COL24A1: variants seen among roughly 807,000 people sequenced by gnomAD.
The protein encoded by COL24A1 is collagen type XXIV alpha 1 chain.
Under a neutral mutation model 253.9 loss-of-function variants are expected in COL24A1, and 224 were observed. The ratio of observed to expected loss-of-function variants is 0.88; its 90% confidence interval spans 0.79 to 0.99. COL24A1 has a LOEUF of 0.99. Ranked by LOEUF, COL24A1 falls within the 50% of genes least tolerant of loss-of-function variation. The pLI, the probability that COL24A1 is intolerant of heterozygous loss-of-function variation, is 0.00. For synonymous variants in COL24A1, 685 were observed against 673.7 expected, an observed-to-expected ratio of 1.02 and a Z score of -0.26; for missense variants, 2,131 against 2,068.5, an observed-to-expected ratio of 1.03 and a Z score of -0.59.
At chr1:85,869,253 C>T (rs1002402227) in intron 35 of COL24A1, among the ~76,000 whole-genome samples, 2 of 152,124 alleles carry the variant, frequency 1.3e-5, no homozygotes, top group African/African-American at 4.8e-5. Flanking sequence ...TATGACCACT[C>T]TACCAGATTT....
At chr1:85,756,652 T>C (rs1053022910) in intron 55 of COL24A1, among the ~76,000 whole-genome samples, 2 of 152,154 alleles carry the variant, frequency 1.3e-5, no homozygotes, top group African/African-American at 2.4e-5. Flanking sequence ...GAAAACAGTA[T>C]GGCAGTTTCT....
chr1:86,023,079 AT>A (rs1354833350), intron 14 of COL24A1, 72 bp from the exon 15 acceptor site: 1 of 1,456,994 alleles, frequency 6.9e-7, no homozygotes, highest in African/African-American at 1.4e-5. Flanking sequence ...GGCAGAATTA[AT>A]AAATTAATGA....
At chr1:85,745,167 T>TTG (rs1665074051) in intron 56 of COL24A1, among the ~76,000 whole-genome samples, 2 of 152,070 alleles carry the variant, frequency 1.3e-5, no homozygotes, top group South Asian at 4.1e-4. Context: ...ATGGCTAACC[T>TTG]CATTTAACTA....
intron 2 of COL24A1, among the ~76,000 whole-genome samples, chr1:86,127,264 G>A (rs533719745): frequency 1.9e-4 from 29 of 151,848 alleles, no homozygotes; most frequent in Middle Eastern, 3.4e-3. Context: ...TATGTAATAC[G>A]CATTTTATAT....
intron 3 of COL24A1, among the ~76,000 whole-genome samples, chr1:86,122,139 A>G (rs929411655): frequency 3.3e-5 from 5 of 152,032 alleles, no homozygotes; most frequent in Non-Finnish European, 4.4e-5. Context: ...AAAGTTCAAC[A>G]ATGACTTCTT....
intron 43 of COL24A1, among the ~76,000 whole-genome samples, chr1:85,824,614 A>G (rs890164997): frequency 2.6e-5 from 4 of 152,168 alleles, no homozygotes; most frequent in African/African-American, 9.7e-5. Flanking sequence ...TGACTCTGAC[A>G]TTCGGCAATC....
At chr1:86,117,218 C>T (rs186016111) in intron 3 of COL24A1, among the ~76,000 whole-genome samples, 3 of 152,276 alleles carry the variant, frequency 2.0e-5, no homozygotes, top group Non-Finnish European at 4.4e-5. Context: ...TCCCAAAATT[C>T]GTATGTTGAA....
chr1:85,921,396 T>A (rs948478776), intron 24 of COL24A1, among the ~76,000 whole-genome samples: 2 of 152,180 alleles, frequency 1.3e-5, no homozygotes, highest in Non-Finnish European at 2.9e-5. Context: ...GCATCTGCCA[T>A]TGCTGAGGCT....
intron 24 of COL24A1, among the ~76,000 whole-genome samples, chr1:85,949,958 G>A (rs906821248): frequency 2.6e-5 from 4 of 151,884 alleles, no homozygotes; most frequent in Non-Finnish European, 5.9e-5. Context: ...AGTATATATT[G>A]GTTCTCTCAT....
chr1:85,964,013 T>C (rs889234668), intron 23 of COL24A1, among the ~76,000 whole-genome samples: 2 of 152,182 alleles, frequency 1.3e-5, no homozygotes, highest in Admixed American at 1.3e-4. Flanking sequence ...TTTAGCCTCA[T>C]ACATACTGAT....
At chr1:86,038,404 T>C (rs1699196859) in intron 12 of COL24A1, among the ~76,000 whole-genome samples, 1 of 152,098 alleles carries the variant, frequency 6.6e-6, no homozygotes, top group Admixed American at 6.6e-5. Context: ...TCTTGAGCAG[T>C]TTCTGTCTCC....
chr1:85,881,495 C>T (rs186538537), intron 32 of COL24A1, among the ~76,000 whole-genome samples: 32 of 151,650 alleles, frequency 2.1e-4, no homozygotes, highest in Admixed American at 1.6e-3. Flanking sequence ...TGTGGTGGTA[C>T]GCACCTGTAA....
At chr1:86,078,206 A>G (rs190986843) in intron 7 of COL24A1, among the ~76,000 whole-genome samples, 16 of 152,302 alleles carry the variant, frequency 1.1e-4, no homozygotes, top group Admixed American at 8.5e-4. Context: ...AAACCATATT[A>G]TCATTTCAAT....
chr1:85,853,313 A>C (rs188147973), intron 37 of COL24A1, among the ~76,000 whole-genome samples: 16 of 151,888 alleles, frequency 1.1e-4, no homozygotes, highest in Non-Finnish European at 2.1e-4. Context: ...TTCTTTTTCT[A>C]TGGCTGCATA....
chr1:85,969,111 C>A (rs142821713), intron 22 of COL24A1, among the ~76,000 whole-genome samples: 1 of 152,102 alleles, frequency 6.6e-6, no homozygotes, highest in Non-Finnish European at 1.5e-5. Flanking sequence ...ATATGGTTCT[C>A]CTGTTTTCGA....
chr1:85,866,902 C>T (rs991818428), intron 37 of COL24A1, among the ~76,000 whole-genome samples: 3 of 152,148 alleles, frequency 2.0e-5, no homozygotes, highest in Non-Finnish European at 4.4e-5. Context: ...CTTACCACTG[C>T]TGTAAAACTG....
At chr1:85,758,898 A>G (rs1404128035) in intron 55 of COL24A1, among the ~76,000 whole-genome samples, 3 of 152,274 alleles carry the variant, frequency 2.0e-5, no homozygotes, top group South Asian at 2.1e-4. Context: ...TCTTTAGTAG[A>G]TTCACAACGT....
chr1:86,050,631 C>G (rs529393340), intron 10 of COL24A1, among the ~76,000 whole-genome samples: 1 of 152,162 alleles, frequency 6.6e-6, no homozygotes, highest in Non-Finnish European at 1.5e-5. Flanking sequence ...TAGGTAAAAT[C>G]TTGGTAAATA....
At chr1:85,817,213 A>T (rs1010902387) in intron 46 of COL24A1, among the ~76,000 whole-genome samples, 8 of 152,202 alleles carry the variant, frequency 5.3e-5, no homozygotes, top group African/African-American at 1.9e-4. Context: ...TGGAGAAAAG[A>T]TCAGCTATAT....
Sources: gnomAD v4.1 joint callset for allele counts (sites outside exome capture counted in the v4.1 genomes callset) on GRCh38, gnomAD v4.1.1 for gene constraint, MANE v1.5 for transcripts, NCBI Gene and HGNC (gene_info 2026-07-23, HGNC 2026-07-21) for gene names.